The following TMTC2 variants were observed in gnomAD, a reference collection of about 807,000 sequenced individuals.
TMTC2 encodes the protein protein O-mannosyl-transferase TMTC2.
Under a neutral mutation model 82.4 loss-of-function variants are expected in TMTC2, and 43 were observed. The ratio of observed to expected loss-of-function variants is 0.52; its 90% CI spans 0.41 to 0.67. The LOEUF (loss-of-function observed/expected upper bound fraction) is 0.67. TMTC2 is among the 30% of genes least tolerant of loss of function. TMTC2 has a pLI of 0.00. For missense variants in TMTC2, 919 were observed against 1,012.4 expected (o/e 0.91, Z 1.25); for synonymous variants, 408 against 381.9 (o/e 1.07, Z -0.80).
intron 2 of TMTC2, among the ~76,000 whole-genome samples, chr12:82,859,055 T>C (rs1871396611): frequency 6.6e-6 from 1 of 151,296 alleles, no homozygotes; most frequent in African/African-American, 2.4e-5. Context: ...TAGTCGCCTG[T>C]GAAATATTGT....
In TMTC2 at chr12:82,808,543, C is replaced by T. The variant is rs192446496; in HGVS notation, c.84-48467C>T. Among the ~76,000 whole-genome samples, 6 of 152,140 alleles carry T rather than the reference C, an allele frequency of 3.9e-5. No homozygotes were observed. In the East Asian group the frequency reaches 1.2e-3, roughly 29 times the overall value. ...CTGAAACATTAAATAAATTAATCAT[C>T]AAGAATTATAAACCCTTACTCCTTT... On this transcript the variant is annotated intron_variant, in intron 1 of 11. Coordinates refer to ENST00000321196, the MANE Select transcript of TMTC2 (RefSeq NM_152588.3).
chr12:82,876,130 ATGG>A lies in TMTC2; in HGVS notation c.654+18573_654+18575del, dbSNP rs575160141. On this transcript the variant is annotated intron_variant, in intron 2 of 11. Transcript: ENST00000321196. The stretch of plus-strand genomic sequence containing the variant: ...GGTGGTGGTGGTGGTGGTATTAGTA[ATGG>A]TGGTGGTGGTGGTGGTGGTGGTAGT... 3.5e-3 allele frequency among the ~76,000 whole-genome samples: 384 copies of A among 111,304 alleles called. 1 individual carries two copies. The highest frequency in any genetic ancestry group is 4.8e-3 in the African/African-American group (137 of 28,734). The allele number at this position is 111,304 out of a possible 152,430, so 73.0% of individuals were successfully genotyped here.
intron 4 of TMTC2, among the ~76,000 whole-genome samples, chr12:82,936,004 G>C (rs12306896): frequency 0.023 from 3,435 of 151,850 alleles, 111 homozygotes; most frequent in African/African-American, 0.079. Flanking sequence ...TTTGGGTAAG[G>C]GTAACGTAGG....
intron 2 of TMTC2, among the ~76,000 whole-genome samples, chr12:82,867,362 G>A (rs1356579236): frequency 6.6e-6 from 1 of 152,086 alleles, no homozygotes; most frequent in African/African-American, 2.4e-5. Context: ...TTGTTGTGAT[G>A]GGGGATCTGT....
intron 3 of TMTC2, among the ~76,000 whole-genome samples, chr12:82,923,544 T>C (rs888371958): frequency 6.6e-5 from 10 of 152,166 alleles, no homozygotes; most frequent in African/African-American, 2.2e-4. Context: ...TGGGGCTCTT[T>C]TTAAGAAGTT....
intron 1 of TMTC2, among the ~76,000 whole-genome samples, chr12:82,795,119 A>G (rs1354032762): frequency 6.6e-6 from 1 of 151,894 alleles, no homozygotes; most frequent in African/African-American, 2.4e-5. Flanking sequence ...AGCGTGGCCA[A>G]CATGGTGAAA....
intron 9 of TMTC2, among the ~76,000 whole-genome samples, chr12:83,034,429 C>T (rs946282116): frequency 6.6e-6 from 1 of 152,004 alleles, no homozygotes; most frequent in African/African-American, 2.4e-5. Context: ...GGAAGGGAGG[C>T]CACAGAGGAA....
chr12:82,949,084 T>C (rs921065904), intron 4 of TMTC2, among the ~76,000 whole-genome samples: 1 of 152,166 alleles, frequency 6.6e-6, no homozygotes, highest in Non-Finnish European at 1.5e-5. Context: ...CTACATTGAG[T>C]TTTACTGAGC....
chr12:82,736,032 T>A (rs2136947379), intron 1 of TMTC2, among the ~76,000 whole-genome samples: 1 of 151,936 alleles, frequency 6.6e-6, no homozygotes, highest in Non-Finnish European at 1.5e-5. Flanking sequence ...TTTTAAATTT[T>A]GCTCCGGAGA....
chr12:82,773,461 T>TC (rs764577596), intron 1 of TMTC2, among the ~76,000 whole-genome samples: 6,465 of 146,282 alleles, frequency 0.044, 197 homozygotes, highest in Middle Eastern at 0.15. Flanking sequence ...AAGTGATATT[T>TC]CTTTTTTTTT....
chr12:82,820,971 G>A (rs548259618), intron 1 of TMTC2, among the ~76,000 whole-genome samples: 1 of 151,978 alleles, frequency 6.6e-6, no homozygotes, highest in African/African-American at 2.4e-5. Context: ...CGATCTTCCT[G>A]CCTCCACTTC....
chr12:82,745,386 G>A (rs949849679), intron 1 of TMTC2, among the ~76,000 whole-genome samples: 2 of 152,148 alleles, frequency 1.3e-5, no homozygotes, highest in Admixed American at 1.3e-4. Context: ...GATCAGCTGA[G>A]GTTCTTTACA....
intron 2 of TMTC2, among the ~76,000 whole-genome samples, chr12:82,885,580 A>G (rs904660374): frequency 3.3e-5 from 5 of 151,612 alleles, no homozygotes; most frequent in African/African-American, 9.7e-5. Context: ...ATGTTGCCCA[A>G]GTGGGTCCTG....
At chr12:82,886,304 TTTA>T (rs1421988209) in intron 2 of TMTC2, among the ~76,000 whole-genome samples, 1 of 152,198 alleles carries the variant, frequency 6.6e-6, no homozygotes, top group Non-Finnish European at 1.5e-5. Flanking sequence ...CCTGATACAC[TTTA>T]TTGGAAAATG....
chr12:82,723,178 A>G (rs1330656912), intron 1 of TMTC2, among the ~76,000 whole-genome samples: 1 of 152,206 alleles, frequency 6.6e-6, no homozygotes, highest in Non-Finnish European at 1.5e-5. Flanking sequence ...GACGATTTTA[A>G]CTATAGTAAT....
At chr12:82,804,749 A>G (rs1172044579) in intron 1 of TMTC2, among the ~76,000 whole-genome samples, 1 of 152,048 alleles carries the variant, frequency 6.6e-6, no homozygotes, top group Non-Finnish European at 1.5e-5. Flanking sequence ...TTCAAGTAGC[A>G]CTCAGTTTTC....
Position 82,945,279 on chromosome 12 carries a change from T to C in TMTC2, c.1598+14734T>C, listed in dbSNP as rs115082426. On this transcript the variant is annotated intron_variant, in intron 4 of 11. Transcript: ENST00000321196. The stretch of plus-strand genomic sequence containing the variant: ...AACGTAGCTGCAAAATTGTATTATG[T>C]AGAAATATTCATTCAAGAGTGTAGA... 3.8e-3 allele frequency among the ~76,000 whole-genome samples: 573 copies of C among 152,338 alleles called. 6 individuals are homozygous for C. Among genetic ancestry groups the C allele is most frequent in the African/African-American group, 0.013 (541 of 41,588 alleles).
chr12:82,965,622 A>G lies in TMTC2; in HGVS notation c.1747A>G (p.Thr583Ala), dbSNP rs1878163174. The change falls in exon 6 of 12, where the codon ACA (threonine) becomes GCA (alanine). Residue 583 changes from threonine (T) to alanine (A), a missense_variant. Transcript: ENST00000321196. Reference sequence around the variant, plus strand: ...AGGAAGGACGGAAGAAGCCCGACGGACATTCTTAAAGTGTTCGGAGATCCC... The same window carrying G: ...AGGAAGGACGGAAGAAGCCCGACGGGCATTCTTAAAGTGTTCGGAGATCCC... ...NQGRTEEARR[T>A]FLKCSEIPDE... The G allele has an allele frequency of 6.2e-7, 1 of 1,613,730 alleles. No homozygotes were observed. The highest frequency in any genetic ancestry group is 1.3e-5 in the African/African-American group (1 of 74,904).
At chr12:82,858,254 G>T (rs1020462789) in intron 2 of TMTC2, among the ~76,000 whole-genome samples, 2 of 152,202 alleles carry the variant, frequency 1.3e-5, no homozygotes, top group Non-Finnish European at 2.9e-5. Flanking sequence ...AGCATTTTAG[G>T]ATCCCCATAC....
Sources: gnomAD v4.1 joint callset for allele counts (sites outside exome capture counted in the v4.1 genomes callset) on GRCh38, gnomAD v4.1.1 for gene constraint, MANE v1.5 for transcripts, NCBI Gene and HGNC (gene_info 2026-07-23, HGNC 2026-07-21) for gene names.